Variants in CHCHD6 observed in about 807,000 individuals in gnomAD.
CHCHD6 encodes the protein coiled-coil-helix-coiled-coil-helix domain containing 6, also known as MICOS complex subunit MIC25.
A neutral mutation model predicts 32.3 loss-of-function variants in CHCHD6; 28 were observed. That is an observed-to-expected ratio of 0.87 (90% confidence interval 0.64 to 1.19). The LOEUF is 1.19. Among genes scored for constraint, CHCHD6 ranks in the 50% most tolerant of loss-of-function variants. The probability of loss-of-function intolerance (pLI) is 0.00; values close to 1 mark genes in which losing one functional copy is unlikely to be tolerated. For missense variants in CHCHD6, 333 were observed against 307.0 expected, an observed-to-expected ratio of 1.08 and a Z score of -0.63; for synonymous variants, 122 against 117.5, an observed-to-expected ratio of 1.04 and a Z score of -0.25.
intron 5 of CHCHD6, among the ~76,000 whole-genome samples, chr3:126,903,843 G>A (rs1466405464): frequency 6.6e-6 from 1 of 152,142 alleles, no homozygotes; most frequent in Non-Finnish European, 1.5e-5. Context: ...ATGCTGTTCT[G>A]TACTTTGCAG....
At chr3:126,794,093 A>G (rs1319991900) in intron 4 of CHCHD6, among the ~76,000 whole-genome samples, 3 of 152,028 alleles carry the variant, frequency 2.0e-5, no homozygotes, top group Non-Finnish European at 2.9e-5. Flanking sequence ...GGTTTATCCT[A>G]TGTGGGGTTT....
Position 126,716,181 on chromosome 3 carries a change from G to A in CHCHD6, c.88-10897G>A, listed in dbSNP as rs572932672. ...CTCCCAGTTCCAGCTTCCTTGGTTT[G>A]CCATCCAAGGCTCTCAACAGGTGGC... is the stretch of plus-strand genomic sequence containing the variant. On this transcript the variant is annotated intron_variant, in intron 1 of 7. Coordinates refer to ENST00000290913, the MANE Select transcript of CHCHD6 (RefSeq NM_032343.3). Among the ~76,000 whole-genome samples, 7 of 152,280 alleles carry A rather than the reference G, an allele frequency of 4.6e-5. No homozygotes were observed. The South Asian group carries it at 1.5e-3, about 32-fold the overall frequency.
intron 4 of CHCHD6, among the ~76,000 whole-genome samples, chr3:126,766,040 C>T (rs576115663): frequency 5.3e-5 from 8 of 152,006 alleles, no homozygotes; most frequent in Non-Finnish European, 1.2e-4. Context: ...GATTAAATGG[C>T]GATTCCTCTT....
chr3:126,812,103 GTTTTT>G (rs61450073), intron 4 of CHCHD6, among the ~76,000 whole-genome samples: 2 of 142,776 alleles, frequency 1.4e-5, no homozygotes, highest in African/African-American at 5.1e-5. Context: ...ATCTGTGCAG[GTTTTT>G]TTTTTTTTTA....
intron 3 of CHCHD6, 114 bp from the exon 4 acceptor site, chr3:126,732,964 T>A (rs1299011656): frequency 8.5e-7 from 1 of 1,174,464 alleles, no homozygotes; most frequent in African/African-American, 1.5e-5. Flanking sequence ...GACCAGCCGC[T>A]GGCTGGTTTC....
intron 4 of CHCHD6, among the ~76,000 whole-genome samples, chr3:126,757,680 G>A (rs1349952107): frequency 1.3e-5 from 2 of 152,196 alleles, no homozygotes; most frequent in African/African-American, 4.8e-5. Context: ...CTGATGTTAA[G>A]CAAACTTAAT....
intron 5 of CHCHD6, among the ~76,000 whole-genome samples, chr3:126,895,055 G>A (rs558584369): frequency 6.6e-6 from 1 of 152,286 alleles, no homozygotes; most frequent in Admixed American, 6.5e-5. Context: ...TTACCCAAAT[G>A]GAATCACACG....
chr3:126,767,813 G>C (rs150371424), intron 4 of CHCHD6, among the ~76,000 whole-genome samples: 1 of 152,114 alleles, frequency 6.6e-6, no homozygotes, highest in East Asian at 1.9e-4. Context: ...TGTTTTCATT[G>C]TTTAGCTCCC....
chr3:126,753,559 G>A (rs144480782), intron 4 of CHCHD6, among the ~76,000 whole-genome samples: 1 of 152,320 alleles, frequency 6.6e-6, no homozygotes, highest in Non-Finnish European at 1.5e-5. Flanking sequence ...CAGAGAGTTT[G>A]TCTCAACCTT....
At chr3:126,759,416 T>G (rs1337132441) in intron 4 of CHCHD6, among the ~76,000 whole-genome samples, 1 of 152,224 alleles carries the variant, frequency 6.6e-6, no homozygotes, top group African/African-American at 2.4e-5. Flanking sequence ...CTTGTCCCAA[T>G]CAAGTCTTTT....
At chr3:126,850,005 C>A (rs146497159) in intron 4 of CHCHD6, among the ~76,000 whole-genome samples, 275 of 152,288 alleles carry the variant, frequency 1.8e-3, no homozygotes, top group African/African-American at 6.2e-3. Context: ...CCATACTTCA[C>A]AGCCAGATCA....
chr3:126,897,106 GA>G (rs1455968579), intron 5 of CHCHD6, among the ~76,000 whole-genome samples: 3 of 152,322 alleles, frequency 2.0e-5, no homozygotes, highest in African/African-American at 7.2e-5. Context: ...GTGGGGCCCT[GA>G]TGTGTGGCCC....
chr3:126,778,379 A>C (rs1937755076), intron 4 of CHCHD6, among the ~76,000 whole-genome samples: 1 of 152,222 alleles, frequency 6.6e-6, no homozygotes, highest in East Asian at 1.9e-4. Context: ...GCACCATTTT[A>C]CATTCGCACT....
intron 6 of CHCHD6, among the ~76,000 whole-genome samples, chr3:126,927,975 A>C (rs1041597393): frequency 6.6e-6 from 1 of 152,222 alleles, no homozygotes; most frequent in African/African-American, 2.4e-5. Context: ...GCACCCCTGC[A>C]AGATGCCCCA....
intron 6 of CHCHD6, among the ~76,000 whole-genome samples, chr3:126,947,163 C>T (rs375363339): frequency 1.3e-5 from 2 of 152,364 alleles, no homozygotes; most frequent in South Asian, 2.1e-4. Context: ...ACGATGTGTG[C>T]GCCCAAGATG....
chr3:126,926,402 G>A (rs73209621), intron 6 of CHCHD6, among the ~76,000 whole-genome samples: 3,848 of 152,242 alleles, frequency 0.025, 59 homozygotes, highest in Middle Eastern at 0.061. Context: ...GGTGAGTGCC[G>A]CAGCTGTGAA....
rs769256372 is a variant in CHCHD6 at position 126,773,602 on chromosome 3, C to CTTTTTT, written c.411+40399_411+40404dup. On this transcript the variant is annotated intron_variant, in intron 4 of 7. Transcript: ENST00000290913. Reference sequence around the variant, plus strand: ...GTTGGTTCTGACAGTTTCTGCTTTTCTTTTTTTTTTTTTTTTTTTTTTTTG... The same window carrying CTTTTTT: ...GTTGGTTCTGACAGTTTCTGCTTTTCTTTTTTTTTTTTTTTTTTTTTTTTTTTTTTG... Among the ~76,000 whole-genome samples, 399 of 89,852 alleles carry CTTTTTT rather than the reference C, an allele frequency of 4.4e-3. 1 individual carries two copies. The highest frequency in any genetic ancestry group is 9.6e-3 in the Middle Eastern group (1 of 104). 58.9% of individuals were successfully genotyped at this position (89,852 alleles called of 152,430 possible). A position where few individuals can be genotyped will look rare whatever the true frequency, so the allele number is the denominator to read the frequency against.
intron 5 of CHCHD6, among the ~76,000 whole-genome samples, chr3:126,900,130 T>C (rs908389652): frequency 6.6e-6 from 1 of 152,236 alleles, no homozygotes; most frequent in Non-Finnish European, 1.5e-5. Context: ...GTACACATAA[T>C]GTGTAGCAAC....
At chr3:126,934,281 A>G (rs2078445989) in intron 6 of CHCHD6, among the ~76,000 whole-genome samples, 1 of 152,232 alleles carries the variant, frequency 6.6e-6, no homozygotes, top group Non-Finnish European at 1.5e-5. Context: ...ATTGCCTTCC[A>G]GACTTTTCTA....
Sources: gnomAD v4.1 joint callset for allele counts (sites outside exome capture counted in the v4.1 genomes callset) on GRCh38, gnomAD v4.1.1 for gene constraint, MANE v1.5 for transcripts, NCBI Gene and HGNC (gene_info 2026-07-23, HGNC 2026-07-21) for gene names.